FGF17: variants seen among roughly 807,000 people sequenced by gnomAD.
FGF17 encodes fibroblast growth factor 17.
FGF17 carries 5 observed loss-of-function variants against 23.5 expected under a neutral mutation model. That is an observed-to-expected ratio of 0.21 (90% confidence interval 0.11 to 0.45). The LOEUF is 0.45. FGF17 is among the 20% of genes least tolerant of loss of function. The probability of loss-of-function intolerance (pLI) is 0.99; values close to 1 mark genes in which losing one functional copy is unlikely to be tolerated. For synonymous variants in FGF17, 136 were observed against 123.0 expected (o/e 1.11, Z -0.70); for missense variants, 221 against 306.9 (o/e 0.72, Z 2.09).
upstream of FGF17, among the ~76,000 whole-genome samples, chr8:22,041,654 T>A (rs1397010786): frequency 6.6e-6 from 1 of 152,194 alleles, no homozygotes; most frequent in Non-Finnish European, 1.5e-5. Context: ...TCTGTATCCC[T>A]ACAATGAAGC....
At chr8:22,042,613 C>T (rs1800756630), upstream of FGF17, 1 of 573,924 alleles carries the variant, frequency 1.7e-6, no homozygotes, top group Non-Finnish European at 3.1e-6. Context: ...ACCGCTCCAT[C>T]CCTGCACTGG....
rs775735357 is a variant in FGF17, at chr8:22,047,977, T to C, written c.379T>C (p.Cys127Arg). Residue 127 changes from cysteine (C) to arginine (R), a missense_variant, in exon 5 of 5, where the codon TGC becomes CGC. Physicochemically the swap from Cys to Arg is radical, Grantham distance 180. Coordinates refer to ENST00000359441, the MANE Select transcript of FGF17 (RefSeq NM_003867.4). The part of the protein sequence containing the change: ...IGKPSGKSKD[C>R]VFTEIVLENN... The stretch of plus-strand genomic sequence containing the variant: ...GCAGCCCAGCGGGAAGAGCAAAGAC[T>C]GCGTGTTCACGGAGATCGTGCTGGA... The C allele has an allele frequency of 1.2e-6, 2 of 1,604,740 alleles. No individual in the cohort carries two copies. Among genetic ancestry groups the C allele is most frequent in the South Asian group, 1.1e-5 (1 of 90,888 alleles).
chr8:22,048,175 A>C lies in FGF17; in HGVS notation c.577A>C (p.Lys193Gln), dbSNP rs1800996765. The C allele has an allele frequency of 6.2e-7, 1 of 1,613,076 alleles. No individual in the cohort carries two copies. The highest frequency in any genetic ancestry group is 1.7e-5 in the Admixed American group (1 of 59,990). ...LPFPNHAEKQ[K>Q]QFEFVGSAPT... is the part of the protein sequence containing the mutation. ...CTTCCCCAACCACGCCGAGAAGCAG[A>C]AGCAGTTCGAGTTTGTGGGCTCCGC... is the stretch of plus-strand genomic sequence containing the variant. Residue 193 changes from lysine (K) to glutamine (Q), a missense_variant, in exon 5 of 5, where the codon AAG becomes CAG. Lys to Gln is a moderately conservative substitution (Grantham distance 53). This residue lies in a region of FGF17 where 128 missense variants were observed against 150.4 expected (regional missense o/e 0.85). Transcript: ENST00000359441. The surrounding 1 kb of genome is among the most constrained non-coding windows in gnomAD (Gnocchi z 6.9).
At position 22,048,229 on chromosome 8, in the gene FGF17, C is replaced by G. The variant is rs1402455231; in HGVS notation, c.631C>G (p.Arg211Gly). The G allele has an allele frequency of 3.7e-6, 6 of 1,607,048 alleles. No individual in the cohort carries two copies. The highest frequency in any genetic ancestry group is 2.7e-5 in the African/African-American group (2 of 74,858). ...APTRRTKRTR[R>G]PQPLT ...CACCCGCCGGACCAAGCGCACACGGCGGCCCCAGCCCCTCACGTAGTCTGG... is the reference window on the plus strand; with the variant it reads ...CACCCGCCGGACCAAGCGCACACGGGGGCCCCAGCCCCTCACGTAGTCTGG... The change falls in exon 5 of 5, where the codon CGG becomes GGG. Residue 211 changes from arginine (R) to glycine (G), a missense_variant. Transcript: ENST00000359441. The surrounding 1 kb of genome is among the most constrained non-coding windows in gnomAD (Gnocchi z 6.9).
chr8:22,042,985 C>T (rs753598485), intron 1 of FGF17, 22 bp downstream of exon 1: 5 of 1,612,168 alleles, frequency 3.1e-6, no homozygotes, highest in Middle Eastern at 1.7e-4. Flanking sequence ...ACCTCTCCCA[C>T]TGGAGTTTCG....
At chr8:22,043,834 C>T (rs996385870) in intron 2 of FGF17, among the ~76,000 whole-genome samples, 2 of 150,466 alleles carry the variant, frequency 1.3e-5, no homozygotes, top group African/African-American at 4.9e-5. Context: ...TTGTGATCCT[C>T]CATAAAAGTG....
chr8:22,046,036 A>G (rs767275848), intron 2 of FGF17, 78 bp from the exon 3 acceptor site: 3 of 1,612,100 alleles, frequency 1.9e-6, no homozygotes, highest in Admixed American at 1.7e-5. Context: ...TCACCTCCTC[A>G]CCCCTCTCCC....
intron 2 of FGF17, 101 bp downstream of exon 2, chr8:22,043,282 C>A: frequency 1.7e-6 from 2 of 1,201,154 alleles, no homozygotes; most frequent in Non-Finnish European, 2.4e-6. Context: ...GAGGCAGAGT[C>A]TGGCCTCTCC....
At chr8:22,047,919 T>C (rs969565029) in intron 4 of FGF17, 37 bp from the exon 5 acceptor site, 2 of 1,579,870 alleles carry the variant, frequency 1.3e-6, no homozygotes, top group East Asian at 2.3e-5. Flanking sequence ...CCAGGGTAGG[T>C]GGACAAATGC....
chr8:22,043,033 G>C, intron 1 of FGF17, 70 bp downstream of exon 1: 1 of 1,602,384 alleles, frequency 6.2e-7, no homozygotes, highest in Non-Finnish European at 8.5e-7. Context: ...TCCTCTTCCC[G>C]GGACTCCCAC....
At position 22,046,266 on chromosome 8, in the gene FGF17, C is replaced by T. The variant is rs775155096; in HGVS notation, c.225C>T (p.Ala75=). ...HVQVTGRRIS[A]TAEDGNKFAK... Reference sequence around the variant, plus strand: ...AGGTCACCGGGCGTCGCATCTCCGCCACCGCCGAGGACGGCAACAAGTTTG... The same window carrying T: ...AGGTCACCGGGCGTCGCATCTCCGCTACCGCCGAGGACGGCAACAAGTTTG... Residue 75 remains alanine, a synonymous_variant, in exon 3 of 5, where the codon GCC becomes GCT. Coordinates refer to ENST00000359441, the MANE Select transcript of FGF17 (RefSeq NM_003867.4). 3.7e-5 allele frequency: 59 copies of T among 1,613,578 alleles called. No homozygotes were observed. Among genetic ancestry groups the T allele is most frequent in the Non-Finnish European group, 4.6e-5 (54 of 1,179,950 alleles).
At chr8:22,041,267 G>T (rs1037021871), upstream of FGF17, among the ~76,000 whole-genome samples, 19 of 152,228 alleles carry the variant, frequency 1.2e-4, no homozygotes, top group African/African-American at 4.6e-4. Flanking sequence ...GGAGACCCCG[G>T]AGCTGCCTGC....
At chr8:22,044,002 G>C (rs890729654) in intron 2 of FGF17, among the ~76,000 whole-genome samples, 3 of 151,906 alleles carry the variant, frequency 2.0e-5, no homozygotes, top group African/African-American at 4.8e-5. Flanking sequence ...TGAAGCAGTG[G>C]GGGGGTGGGA....
At chr8:22,045,599 C>T (rs1250773335) in intron 2 of FGF17, 12 of 1,014,500 alleles carry the variant, frequency 1.2e-5, no homozygotes, top group South Asian at 8.3e-5. Context: ...GACCCTAACT[C>T]GCAGCACCAT....
Position 22,047,780 on chromosome 8 carries a change from T to A in FGF17, c.358-176T>A, listed in dbSNP as rs1316445853. Among the ~76,000 whole-genome samples the A allele has an allele frequency of 2.6e-5, 4 of 152,238 alleles. No individual in the cohort carries two copies. The East Asian group carries it at 7.7e-4, about 29-fold the overall frequency. Reference sequence around the variant, plus strand: ...AACTCAGATCCACAAAGCGTGTTCTTGTTGGCCACTGTTGCCTCTCTAAAT... The same window carrying A: ...AACTCAGATCCACAAAGCGTGTTCTAGTTGGCCACTGTTGCCTCTCTAAAT... On this transcript the variant is annotated intron_variant, in intron 4 of 4. Transcript: ENST00000359441.
upstream of FGF17, among the ~76,000 whole-genome samples, chr8:22,041,952 G>T (rs1800746390): frequency 6.6e-6 from 1 of 152,238 alleles, no homozygotes; most frequent in Non-Finnish European, 1.5e-5. Context: ...GCTCAGAGAG[G>T]CTCTAGGGAC....
intron 2 of FGF17, 101 bp from the exon 3 acceptor site, chr8:22,046,013 G>A (rs747461523): frequency 6.4e-5 from 102 of 1,603,068 alleles, no homozygotes; most frequent in Non-Finnish European, 8.5e-5. Flanking sequence ...CAAGTGGCCT[G>A]TCCCCACTAT....
chr8:22,046,273 G>C lies in FGF17; in HGVS notation c.232G>C (p.Glu78Gln). 1 of 1,613,582 alleles carries C rather than the reference G, an allele frequency of 6.2e-7. No individual in the cohort carries two copies. Among genetic ancestry groups the C allele is most frequent in the East Asian group, 2.2e-5 (1 of 44,876 alleles). ...CGGGCGTCGCATCTCCGCCACCGCC[G>C]AGGACGGCAACAAGTTTGGTGAGAG... ...VTGRRISATAEDGNKFAKLIV... is the reference protein window; with the variant it reads ...VTGRRISATAQDGNKFAKLIV... Residue 78 changes from glutamate to glutamine, a missense_variant, in exon 3 of 5, where the codon GAG (glutamate) becomes CAG (glutamine). Physicochemically the swap from Glu to Gln is conservative, Grantham distance 29. Transcript: ENST00000359441.
At position 22,047,992 on chromosome 8, in the gene FGF17, A is replaced by G; in HGVS notation, c.394A>G (p.Ile132Val). Reference protein sequence around the residue: ...GKSKDCVFTEIVLENNYTAFQ... With the variant: ...GKSKDCVFTEVVLENNYTAFQ... ...GAGCAAAGACTGCGTGTTCACGGAG[A>G]TCGTGCTGGAGAACAACTATACGGC... The change falls in exon 5 of 5, where the codon ATC becomes GTC. Residue 132 changes from isoleucine to valine, a missense_variant. Coordinates refer to ENST00000359441, the MANE Select transcript of FGF17 (RefSeq NM_003867.4). The G allele has an allele frequency of 2.5e-6, 4 of 1,606,720 alleles. No individual in the cohort carries two copies. The highest frequency in any genetic ancestry group is 3.4e-6 in the Non-Finnish European group (4 of 1,174,028).
Sources: allele counts gnomAD v4.1 joint callset (sites outside exome capture counted in the v4.1 genomes callset), GRCh38; gene constraint gnomAD v4.1.1; regional missense constraint gnomAD v4.1.1; non-coding constraint Gnocchi (gnomAD v3.1); transcripts MANE v1.5; gene names NCBI Gene and HGNC (gene_info 2026-07-23, HGNC 2026-07-21).